The following RIPOR2 variants were observed in gnomAD, a reference collection of about 807,000 sequenced individuals.
RIPOR2 encodes the protein RHO family interacting cell polarization regulator 2.
RIPOR2 carries 39 observed loss-of-function variants against 114.5 expected under a neutral mutation model. The observed-to-expected ratio is 0.34, with a 90% CI of 0.26 to 0.44. RIPOR2 has a LOEUF of 0.44. Among genes scored for constraint, RIPOR2 ranks in the 20% least tolerant of loss-of-function variants. The probability of loss-of-function intolerance (pLI) is 1.00; values close to 1 mark genes in which losing one functional copy is unlikely to be tolerated. For synonymous variants in RIPOR2, 445 were observed against 484.4 expected (o/e 0.92, Z 1.07); for missense variants, 1,007 against 1,255.1 (o/e 0.80, Z 2.99).
chr6:24,820,869 CTTTTTTTTT>C (rs34770819), intron 19 of RIPOR2, among the ~76,000 whole-genome samples: 3 of 84,052 alleles, frequency 3.6e-5, no homozygotes, highest in Middle Eastern at 0.013. Context: ...GTTTAACACT[CTTTTTTTTT>C]TTTTTTTTTT....
chr6:24,961,736 T>A (rs1479643891), intron 1 of RIPOR2, among the ~76,000 whole-genome samples: 1 of 151,630 alleles, frequency 6.6e-6, no homozygotes, highest in East Asian at 1.9e-4. Context: ...GTGATGCTCC[T>A]ACCTCAGCCT....
intron 11 of RIPOR2, among the ~76,000 whole-genome samples, chr6:24,849,054 G>A (rs1762595468): frequency 6.6e-6 from 1 of 152,154 alleles, no homozygotes; most frequent in South Asian, 2.1e-4. Flanking sequence ...ACAGGTGCCT[G>A]CCACAATGCC....
At chr6:24,899,650 T>C (rs1213806675) in intron 1 of RIPOR2, among the ~76,000 whole-genome samples, 2 of 152,216 alleles carry the variant, frequency 1.3e-5, no homozygotes, top group East Asian at 3.8e-4. Flanking sequence ...TGAGCTTGTT[T>C]TCCTACATTC....
chr6:25,024,114 G>T, intron 1 of RIPOR2: 2 of 829,478 alleles, frequency 2.4e-6, no homozygotes, highest in Non-Finnish European at 4.2e-6. Context: ...GCTCAAACCG[G>T]ACCTGATATT....
intron 1 of RIPOR2, among the ~76,000 whole-genome samples, chr6:24,894,551 A>G (rs866644782): frequency 1.3e-5 from 2 of 152,194 alleles, no homozygotes; most frequent in African/African-American, 4.8e-5. Flanking sequence ...GGGGAGGATC[A>G]TCAGTTCTCA....
chr6:24,876,901 C>T (rs1358515479), intron 1 of RIPOR2: 1 of 903,774 alleles, frequency 1.1e-6, no homozygotes, highest in Non-Finnish European at 1.3e-6. Context: ...GACCCTGCAA[C>T]TGTTAGGTAA....
chr6:24,999,109 G>A (rs944971339), intron 1 of RIPOR2, among the ~76,000 whole-genome samples: 8 of 152,138 alleles, frequency 5.3e-5, no homozygotes, highest in Non-Finnish European at 1.0e-4. Context: ...GAAACTTACA[G>A]GGTGGTTACA....
At chr6:24,985,385 C>T (rs1391663384) in intron 1 of RIPOR2, among the ~76,000 whole-genome samples, 1 of 149,352 alleles carries the variant, frequency 6.7e-6, no homozygotes, top group East Asian at 1.9e-4. Flanking sequence ...TTTTTTTTAA[C>T]CAGTAAAATA....
At chr6:24,992,251 A>C (rs1774857455) in intron 1 of RIPOR2, among the ~76,000 whole-genome samples, 1 of 152,140 alleles carries the variant, frequency 6.6e-6, no homozygotes, top group Non-Finnish European at 1.5e-5. Context: ...TCTCAATCTT[A>C]GCTGTCATGA....
chr6:25,016,677 G>A (rs555218399), intron 1 of RIPOR2, among the ~76,000 whole-genome samples: 2 of 152,174 alleles, frequency 1.3e-5, no homozygotes, highest in Admixed American at 6.5e-5. Context: ...CGATAATAAA[G>A]TTCCCTTAAC....
At chr6:24,823,027 C>T (rs1404666348) in intron 19 of RIPOR2, among the ~76,000 whole-genome samples, 1 of 152,240 alleles carries the variant, frequency 6.6e-6, no homozygotes, top group African/African-American at 2.4e-5. Flanking sequence ...GCAACCACAT[C>T]TGAATGCAAC....
chr6:25,009,309 G>T (rs533858637), intron 1 of RIPOR2, among the ~76,000 whole-genome samples: 3 of 152,172 alleles, frequency 2.0e-5, no homozygotes, highest in Non-Finnish European at 4.4e-5. Flanking sequence ...ATCTTGATTA[G>T]CAGTTTCTCT....
intron 1 of RIPOR2, among the ~76,000 whole-genome samples, chr6:24,945,534 C>T (rs563285233): frequency 6.6e-6 from 1 of 152,124 alleles, no homozygotes; most frequent in South Asian, 2.1e-4. Context: ...TTGCGTAAAA[C>T]AATAATTATA....
intron 1 of RIPOR2, among the ~76,000 whole-genome samples, chr6:24,996,028 T>A (rs1267890143): frequency 1.3e-5 from 2 of 152,170 alleles, no homozygotes; most frequent in African/African-American, 4.8e-5. Flanking sequence ...GGTCTTGATC[T>A]CCTGACCTCG....
At chr6:24,839,683 A>G in intron 13 of RIPOR2, 1 of 1,521,776 alleles carries the variant, frequency 6.6e-7, no homozygotes. Context: ...AGCCTTGGGA[A>G]ACAGAACTGC....
intron 1 of RIPOR2, among the ~76,000 whole-genome samples, chr6:24,963,808 T>C (rs1773407806): frequency 6.6e-6 from 1 of 151,910 alleles, no homozygotes; most frequent in Non-Finnish European, 1.5e-5. Flanking sequence ...AAAATACGTG[T>C]CTTTGATCTT....
At chr6:24,932,145 A>C (rs1260126645) in intron 1 of RIPOR2, 2 of 152,184 alleles carry the variant, frequency 1.3e-5, no homozygotes, top group African/African-American at 2.4e-5. Flanking sequence ...AAAGCCCTTT[A>C]ATTTGATAAG....
intron 11 of RIPOR2, among the ~76,000 whole-genome samples, chr6:24,848,819 A>G (rs1762573379): frequency 6.6e-6 from 1 of 152,346 alleles, no homozygotes; most frequent in Admixed American, 6.5e-5. Context: ...CATATTGTAA[A>G]TGAGACCCTG....
At chr6:25,038,974 T>C (rs1408974112) in intron 1 of RIPOR2, among the ~76,000 whole-genome samples, 1 of 152,244 alleles carries the variant, frequency 6.6e-6, no homozygotes, top group Non-Finnish European at 1.5e-5. Context: ...AATGTCTGCA[T>C]GGGCATGGAA....
Sources: gnomAD v4.1 joint callset for allele counts (sites outside exome capture counted in the v4.1 genomes callset) on GRCh38, gnomAD v4.1.1 for gene constraint, MANE v1.5 for transcripts, NCBI Gene and HGNC (gene_info 2026-07-23, HGNC 2026-07-21) for gene names.